The following BRIP1 variants were observed in gnomAD, a reference collection of about 807,000 sequenced individuals.
BRIP1 encodes BRCA1 interacting DNA helicase 1, also known as Fanconi anemia group J protein.
In BRIP1, 88 loss-of-function variants were observed where a neutral mutation model predicts 119.7. That is an observed-to-expected ratio of 0.74 (90% CI 0.62 to 0.88). The LOEUF (loss-of-function observed/expected upper bound fraction) is 0.88, where lower values mean the gene tolerates loss of function less well. Among genes scored for constraint, BRIP1 ranks in the 40% least tolerant of loss-of-function variants. The pLI is 0.00. For synonymous variants in BRIP1, 443 were observed against 496.5 expected (o/e 0.89, Z 1.43); for missense variants, 1,259 against 1,455.4 (o/e 0.87, Z 2.20).
At position 61,848,358 on chromosome 17, in the gene BRIP1, T is replaced by A. The variant is rs2078765142; in HGVS notation, c.507+771A>T. ...ATGTCTGATGAGCCTGTAGGGCTCATGCCACCACACCCGGTCTTTTTTTTT... is the reference window on the plus strand; with the variant it reads ...ATGTCTGATGAGCCTGTAGGGCTCAAGCCACCACACCCGGTCTTTTTTTTT... On this transcript the variant is annotated intron_variant, in intron 5 of 19. Coordinates refer to ENST00000259008, the MANE Select transcript of BRIP1 (RefSeq NM_032043.3). This position sits in a 1 kb window ranked among gnomAD's most constrained non-coding sequence, Gnocchi z 4.3. Among the ~76,000 whole-genome samples, 2 of 141,708 alleles carry A rather than the reference T, an allele frequency of 1.4e-5. No individual in the cohort carries two copies. The highest frequency in any genetic ancestry group is 1.4e-4 in the Admixed American group (2 of 14,420). The allele number at this position is 141,708 out of a possible 152,430, so 93.0% of individuals were successfully genotyped here.
intron 19 of BRIP1, chr17:61,685,554 T>A (rs1020792060): frequency 2.1e-6 from 1 of 473,316 alleles, no homozygotes; most frequent in Non-Finnish European, 3.7e-6. Context: ...GCAGGCATTT[T>A]TTTTTTCCTA....
intron 16 of BRIP1, among the ~76,000 whole-genome samples, chr17:61,721,694 T>C (rs920572905): frequency 3.7e-4 from 11 of 29,542 alleles, no homozygotes; most frequent in African/African-American, 1.1e-3. Context: ...GACTTTGCCT[T>C]TTTTTTTTTT....
At position 61,808,822 on chromosome 17, in the gene BRIP1, A is replaced by C; in HGVS notation, c.628-65T>G. 33 of 1,474,178 alleles carry C rather than the reference A, an allele frequency of 2.2e-5. No homozygotes were observed. Among genetic ancestry groups the C allele is most frequent in the Non-Finnish European group, 3.0e-5 (32 of 1,068,010 alleles). The allele number at this position is 1,474,178 out of a possible 1,614,324, so 91.3% of individuals were successfully genotyped here. A position where few individuals can be genotyped will look rare whatever the true frequency, so the allele number is the denominator to read the frequency against. ...ACCATAAAAAACGTTATCAAACCTC[A>C]CATGGAATCAGAACCTGTAAGTAAT... On this transcript the variant is annotated intron_variant, in intron 6 of 19. Coordinates refer to ENST00000259008, the MANE Select transcript of BRIP1 (RefSeq NM_032043.3). The surrounding 1 kb of genome is among the most constrained non-coding windows in gnomAD (Gnocchi z 4.1).
intron 6 of BRIP1, among the ~76,000 whole-genome samples, chr17:61,813,705 T>G (rs1246448411): frequency 6.6e-6 from 1 of 152,102 alleles, no homozygotes; most frequent in South Asian, 2.1e-4. Flanking sequence ...TTTAAGCCTG[T>G]CCTTGTGCTA....
chr17:61,715,741 C>A (rs915991142), intron 17 of BRIP1, among the ~76,000 whole-genome samples: 1 of 152,168 alleles, frequency 6.6e-6, no homozygotes, highest in Non-Finnish European at 1.5e-5. Flanking sequence ...TAAACTTTAG[C>A]AAATTGTGAG....
chr17:61,771,543 CA>C (rs752736791), intron 14 of BRIP1, among the ~76,000 whole-genome samples: 3 of 151,534 alleles, frequency 2.0e-5, no homozygotes, highest in African/African-American at 7.3e-5. Context: ...AGGCTATTAT[CA>C]AAAAAAACAT....
At position 61,796,420 on chromosome 17, in the gene BRIP1, T is replaced by C. The variant is rs1242758732; in HGVS notation, c.1340+2680A>G. 6.6e-6 allele frequency among the ~76,000 whole-genome samples: 1 copy of C among 152,094 alleles called. No individual in the cohort carries two copies. Among genetic ancestry groups the C allele is most frequent in the African/African-American group, 2.4e-5 (1 of 41,440 alleles). On this transcript the variant is annotated intron_variant, in intron 9 of 19. Coordinates refer to ENST00000259008, the MANE Select transcript of BRIP1 (RefSeq NM_032043.3). The surrounding 1 kb of genome is among the most constrained non-coding windows in gnomAD (Gnocchi z 4.8). ...ATTTAAGTCTTTAATCTATTTTGATTTGATTTTTGTTAATGGTGAAAGATA... is the reference window on the plus strand; with the variant it reads ...ATTTAAGTCTTTAATCTATTTTGATCTGATTTTTGTTAATGGTGAAAGATA...
intron 16 of BRIP1, among the ~76,000 whole-genome samples, chr17:61,723,850 T>C (rs1276904642): frequency 6.6e-6 from 1 of 152,104 alleles, no homozygotes; most frequent in Non-Finnish European, 1.5e-5. Flanking sequence ...TGAAGGCCCA[T>C]AGTTGTGTTT....
At position 61,768,412 on chromosome 17, in the gene BRIP1, T is replaced by A. The variant is rs1229887404; in HGVS notation, c.2097+7989A>T. Among the ~76,000 whole-genome samples, 1 of 152,190 alleles carries A rather than the reference T, an allele frequency of 6.6e-6. No homozygotes were observed. Among genetic ancestry groups the A allele is most frequent in the Non-Finnish European group, 1.5e-5 (1 of 68,036 alleles). On this transcript the variant is annotated intron_variant, in intron 14 of 19. Transcript: ENST00000259008. The surrounding 1 kb of genome is among the most constrained non-coding windows in gnomAD (Gnocchi z 5.0). ...AATCACAGGAATTTTAGTTTGCAGT[T>A]CTAAAATACCTCTAACTTCAAAGGC...
rs1157587322 is a variant in BRIP1, at chr17:61,689,995, C to T, written c.2575+3435G>A. Among the ~76,000 whole-genome samples, 1 of 152,116 alleles carries T rather than the reference C, an allele frequency of 6.6e-6. No homozygotes were observed. The highest frequency in any genetic ancestry group is 1.5e-5 in the Non-Finnish European group (1 of 68,020). On this transcript the variant is annotated intron_variant, in intron 18 of 19. Coordinates refer to ENST00000259008, the MANE Select transcript of BRIP1 (RefSeq NM_032043.3). The surrounding 1 kb of genome is among the most constrained non-coding windows in gnomAD (Gnocchi z 4.5). ...GACTCCTGCCTGGGTGGCAGAGTAA[C>T]ATCCTGTCTCCAAAAAGAGAAAGAT... is the stretch of plus-strand genomic sequence containing the variant.
At position 61,845,957 on chromosome 17, in the gene BRIP1, C is replaced by T. The variant is rs1301394322; in HGVS notation, c.627+1144G>A. On this transcript the variant is annotated intron_variant, in intron 6 of 19. Transcript: ENST00000259008. This position sits in a 1 kb window ranked among gnomAD's most constrained non-coding sequence, Gnocchi z 4.2. ...TAGGTTGGGTTGAGGCCAAGGTGGG[C>T]GGATCACGAGGTCAGAAGATCGAGA... Among the ~76,000 whole-genome samples the T allele has an allele frequency of 1.3e-5, 2 of 151,800 alleles. No homozygotes were observed. Among genetic ancestry groups the T allele is most frequent in the South Asian group, 2.1e-4 (1 of 4,812 alleles).
intron 18 of BRIP1, among the ~76,000 whole-genome samples, chr17:61,692,571 G>A (rs560171652): frequency 6.6e-6 from 1 of 152,180 alleles, no homozygotes; most frequent in South Asian, 2.1e-4. Context: ...TTTCTCCAAA[G>A]AAGACATATG....
At position 61,755,710 on chromosome 17, in the gene BRIP1, A is replaced by T. The variant is rs2077191916; in HGVS notation, c.2098-11119T>A. Among the ~76,000 whole-genome samples, 5 of 152,220 alleles carry T rather than the reference A, an allele frequency of 3.3e-5. No individual in the cohort carries two copies. Among genetic ancestry groups the T allele is most frequent in the Admixed American group, 3.3e-4 (5 of 15,278 alleles). ...GTTTTCTCTTGGTGAGACTTTGTTC[A>T]TTCATTCCTTCCTCCCTTCCTTTCT... On this transcript the variant is annotated intron_variant, in intron 14 of 19. Coordinates refer to ENST00000259008, the MANE Select transcript of BRIP1 (RefSeq NM_032043.3). This position sits in a 1 kb window ranked among gnomAD's most constrained non-coding sequence, Gnocchi z 4.5.
chr17:61,766,044 T>C (rs1012483165), intron 14 of BRIP1, among the ~76,000 whole-genome samples: 1 of 152,144 alleles, frequency 6.6e-6, no homozygotes, highest in Non-Finnish European at 1.5e-5. Context: ...TATACCAATA[T>C]GTAGGTATTT....
rs186458299 is a variant in BRIP1 at position 61,753,606 on chromosome 17, T to G, written c.2098-9015A>C. On this transcript the variant is annotated intron_variant, in intron 14 of 19. Coordinates refer to ENST00000259008, the MANE Select transcript of BRIP1 (RefSeq NM_032043.3). The surrounding 1 kb of genome is among the most constrained non-coding windows in gnomAD (Gnocchi z 4.6). ...AAGAAAATCTTATTTCCTCTCCATT[T>G]TTTTTTTTTTTTAGAGATGGGATCT... is the stretch of plus-strand genomic sequence containing the variant. Among the ~76,000 whole-genome samples, 760 of 151,110 alleles carry G rather than the reference T, an allele frequency of 5.0e-3. 4 individuals are homozygous for G. Among genetic ancestry groups the G allele is most frequent in the Middle Eastern group, 0.01 (3 of 294 alleles).
rs1000751705 is a variant in BRIP1 at position 61,853,071 on chromosome 17, C to A, written c.380-3815G>T. Among the ~76,000 whole-genome samples, 14 of 152,056 alleles carry A rather than the reference C, an allele frequency of 9.2e-5. No homozygotes were observed. The highest frequency in any genetic ancestry group is 2.1e-4 in the Non-Finnish European group (14 of 68,012). ...CACTATTAAACAATACTGAAAACAA[C>A]CCAATGCCTAACAACTGTAGAACAG... On this transcript the variant is annotated intron_variant, in intron 4 of 19. Transcript: ENST00000259008. This position sits in a 1 kb window ranked among gnomAD's most constrained non-coding sequence, Gnocchi z 4.3.
chr17:61,851,795 C>A lies in BRIP1; in HGVS notation c.380-2539G>T, dbSNP rs1240363580. On this transcript the variant is annotated intron_variant, in intron 4 of 19. Transcript: ENST00000259008. This position sits in a 1 kb window ranked among gnomAD's most constrained non-coding sequence, Gnocchi z 4.6. ...ATAAGATAGGTAATTTTGAGCTCTG[C>A]ATGTCCAGGCAACCAGTAAAATAAC... is the stretch of plus-strand genomic sequence containing the variant. Among the ~76,000 whole-genome samples the A allele has an allele frequency of 2.0e-5, 3 of 152,164 alleles. No homozygotes were observed. Among genetic ancestry groups the A allele is most frequent in the Non-Finnish European group, 1.5e-5 (1 of 68,024 alleles).
At chr17:61,716,336 T>A (rs963122796) in intron 16 of BRIP1, among the ~76,000 whole-genome samples, 3 of 152,076 alleles carry the variant, frequency 2.0e-5, no homozygotes, top group Admixed American at 6.5e-5. Flanking sequence ...AGTGTACAAG[T>A]AGGTGAGTTT....
intron 16 of BRIP1, among the ~76,000 whole-genome samples, chr17:61,723,519 A>G (rs960538356): frequency 2.0e-5 from 3 of 152,186 alleles, no homozygotes; most frequent in African/African-American, 2.4e-5. Context: ...CCTGTTGACC[A>G]ATGCTTCCTT....
Sources: gnomAD v4.1 joint callset for allele counts (sites outside exome capture counted in the v4.1 genomes callset) on GRCh38, gnomAD v4.1.1 for gene constraint, Gnocchi (gnomAD v3.1) non-coding constraint, MANE v1.5 for transcripts, NCBI Gene and HGNC (gene_info 2026-07-23, HGNC 2026-07-21) for gene names.